The following SLC35E1 variants were observed in gnomAD, a reference collection of about 807,000 sequenced individuals.
SLC35E1 encodes solute carrier family 35 member E1.
SLC35E1 carries 12 observed loss-of-function variants against 31.0 expected under a neutral mutation model. The observed-to-expected ratio is 0.39, with a 90% CI of 0.25 to 0.63. The LOEUF is 0.63. Ranked by LOEUF, SLC35E1 falls within the 20% of genes least tolerant of loss-of-function variation. The pLI is 0.52. For synonymous variants in SLC35E1, 257 were observed against 264.1 expected (o/e 0.97, Z 0.26); for missense variants, 429 against 572.2 (o/e 0.75, Z 2.55).
intron 2 of SLC35E1, among the ~76,000 whole-genome samples, chr19:16,569,500 C>A (rs1160810623): frequency 6.6e-6 from 1 of 152,202 alleles, no homozygotes; most frequent in African/African-American, 2.4e-5. Flanking sequence ...GCATGCAGGG[C>A]TAAACAACTC....
chr19:16,560,717 C>A (rs1213872398), intron 4 of SLC35E1, among the ~76,000 whole-genome samples: 1 of 148,780 alleles, frequency 6.7e-6, no homozygotes, highest in South Asian at 2.1e-4. Context: ...CAAAAATTAG[C>A]CAGGAGTGGT....
chr19:16,553,438 G>C lies in SLC35E1; in HGVS notation c.*241C>G. On this transcript the variant is annotated 3_prime_UTR_variant, in exon 6 of 6. Transcript: ENST00000595753. ...CACGGCCCTCAGATGACAGACTCCA[G>C]GAAGAAAGAGCATGAGACACTGGTC... is the stretch of plus-strand genomic sequence containing the variant. 2.9e-6 allele frequency: 1 copy of C among 349,240 alleles called. No individual in the cohort carries two copies. The highest frequency in any genetic ancestry group is 5.2e-6 in the Non-Finnish European group (1 of 194,154). The allele number at this position is 349,240 out of a possible 1,614,324, so 21.6% of individuals were successfully genotyped here. A position where few individuals can be genotyped will look rare whatever the true frequency, so the allele number is the denominator to read the frequency against.
chr19:16,559,379 G>C (rs1242501095), intron 4 of SLC35E1, among the ~76,000 whole-genome samples: 3 of 151,724 alleles, frequency 2.0e-5, no homozygotes, highest in Non-Finnish European at 4.4e-5. Context: ...CAGCACTTTG[G>C]GAGGCTGAGG....
chr19:16,555,846 A>C lies in SLC35E1; in HGVS notation c.757-449T>G, dbSNP rs1599315872. The C allele has an allele frequency of 1.6e-5, 2 of 126,390 alleles. No individual in the cohort carries two copies. Among genetic ancestry groups the C allele is most frequent in the East Asian group, 3.6e-4 (2 of 5,544 alleles). 7.8% of individuals were successfully genotyped at this position (126,390 alleles called of 1,614,324 possible). A position where few individuals can be genotyped will look rare whatever the true frequency, so the allele number is the denominator to read the frequency against. ...CCACGGGTCTGCACCTATTGCTGCG[A>C]GGATGAACAGAATCATGGCTTTTGA... is the stretch of plus-strand genomic sequence containing the variant. On this transcript the variant is annotated intron_variant, in intron 4 of 5. Transcript: ENST00000595753. The surrounding 1 kb of genome is among the most constrained non-coding windows in gnomAD (Gnocchi z 4.1).
intron 4 of SLC35E1, among the ~76,000 whole-genome samples, chr19:16,556,146 G>C (rs1317567399): frequency 6.6e-6 from 1 of 152,124 alleles, no homozygotes; most frequent in Admixed American, 6.5e-5. Context: ...CTGGGAGGTG[G>C]AGGTTGCAGT....
In SLC35E1 at chr19:16,565,587, G is replaced by A. The variant is rs569835054; in HGVS notation, c.756+945C>T. The A allele has an allele frequency of 3.1e-4, 49 of 156,402 alleles. No individual in the cohort carries two copies. The South Asian group carries it at 4.7e-3, about 15-fold the overall frequency. 9.7% of individuals were successfully genotyped at this position (156,402 alleles called of 1,614,324 possible). On this transcript the variant is annotated intron_variant, in intron 4 of 5. Coordinates refer to ENST00000595753, the MANE Select transcript of SLC35E1 (RefSeq NM_024881.5). ...GGCTGGAGTGCAGTGGCACCATCTC[G>A]GCTCACTGCAACCGCCACATCCTGG... is the stretch of plus-strand genomic sequence containing the variant.
In SLC35E1 at chr19:16,572,294, GC is replaced by G. The variant is rs2085964314; in HGVS notation, c.70del (p.Ala24ArgfsTer17). On this transcript the variant is annotated frameshift_variant, in exon 1 of 6. Transcript: ENST00000595753. LOFTEE classifies it high-confidence loss of function. The surrounding 1 kb of genome is among the most constrained non-coding windows in gnomAD (Gnocchi z 4.1). ...CGCCGCCACCCGCGCGCCCTCGCGC[GC>G]CCCACCACTGCTGCTCGCTGCGCCC... is the stretch of plus-strand genomic sequence containing the variant. ...GPGAASSSGG[A>X]REGARVAALC... 6.8e-7 allele frequency: 1 copy of G among 1,475,718 alleles called. No individual in the cohort carries two copies. The highest frequency in any genetic ancestry group is 1.3e-5 in the South Asian group (1 of 77,808). The allele number at this position is 1,475,718 out of a possible 1,614,324, so 91.4% of individuals were successfully genotyped here.
At chr19:16,563,290 T>C (rs533103985) in intron 4 of SLC35E1, among the ~76,000 whole-genome samples, 10 of 151,858 alleles carry the variant, frequency 6.6e-5, no homozygotes, top group Non-Finnish European at 1.5e-4. Flanking sequence ...TGCCATTGCA[T>C]TCTAGCCTAG....
intron 2 of SLC35E1, among the ~76,000 whole-genome samples, chr19:16,571,095 CAAA>C (rs57729159): frequency 3.0e-5 from 2 of 67,238 alleles, no homozygotes; most frequent in South Asian, 5.0e-4. Flanking sequence ...AACTCCGTCT[CAAA>C]AAAAAAAAAA....
At chr19:16,565,850 T>G (rs1353063234) in intron 4 of SLC35E1, 1 of 122,368 alleles carries the variant, frequency 8.2e-6, no homozygotes, top group African/African-American at 3.3e-5. Flanking sequence ...GGCCAGTGCA[T>G]AGTTTTCAAA....
intron 4 of SLC35E1, among the ~76,000 whole-genome samples, chr19:16,562,108 C>T (rs941284150): frequency 6.6e-6 from 1 of 151,770 alleles, no homozygotes; most frequent in Non-Finnish European, 1.5e-5. Context: ...TAAGGTATTA[C>T]AACAACAAAA....
In SLC35E1 at chr19:16,553,646, A is replaced by C. The variant is rs146606262; in HGVS notation, c.*33T>G. On this transcript the variant is annotated 3_prime_UTR_variant, in exon 6 of 6. Transcript: ENST00000595753. The stretch of plus-strand genomic sequence containing the variant: ...ATACTGCTGTGGGGGCCGGGGAAGG[A>C]GTCACCAACAGTCTGGTCCTGTCCT... 5.9e-4 allele frequency: 842 copies of C among 1,423,142 alleles called. 2 individuals are homozygous for C. In the African/African-American group the frequency reaches 7.9e-3, roughly 13 times the overall value. 88.2% of individuals were successfully genotyped at this position (1,423,142 alleles called of 1,614,324 possible). A position where few individuals can be genotyped will look rare whatever the true frequency, so the allele number is the denominator to read the frequency against.
At chr19:16,566,096 G>A (rs932319074) in intron 4 of SLC35E1, 17 of 153,470 alleles carry the variant, frequency 1.1e-4, no homozygotes, top group Non-Finnish European at 1.7e-4. Context: ...CTTGAGCCCC[G>A]GATTGAGGTC....
At chr19:16,563,248 C>T (rs564140734) in intron 4 of SLC35E1, among the ~76,000 whole-genome samples, 8 of 151,492 alleles carry the variant, frequency 5.3e-5, no homozygotes, top group South Asian at 2.1e-4. Context: ...TGCTTGAATC[C>T]GGGAGGCGGA....
intron 4 of SLC35E1, among the ~76,000 whole-genome samples, chr19:16,559,955 G>A (rs986186340): frequency 1.3e-5 from 2 of 152,172 alleles, no homozygotes; most frequent in Non-Finnish European, 2.9e-5. Flanking sequence ...TTTTGTTTTA[G>A]CAGGCAATTG....
At chr19:16,566,445 G>T in intron 4 of SLC35E1, 87 bp downstream of exon 4, 1 of 1,574,782 alleles carries the variant, frequency 6.4e-7, no homozygotes, top group Non-Finnish European at 8.6e-7. Flanking sequence ...ATACCACAAT[G>T]TTAACATGCA....
At chr19:16,564,696 C>A (rs1451855808) in intron 4 of SLC35E1, among the ~76,000 whole-genome samples, 6 of 152,144 alleles carry the variant, frequency 3.9e-5, no homozygotes, top group African/African-American at 1.2e-4. Flanking sequence ...AAAAAGAGAA[C>A]CCCTTCCCTA....
Position 16,553,767 on chromosome 19 carries a change from T to C in SLC35E1, c.1145A>G (p.Tyr382Cys). 6.2e-7 allele frequency: 1 copy of C among 1,613,480 alleles called. No individual in the cohort carries two copies. The highest frequency in any genetic ancestry group is 8.5e-7 in the Non-Finnish European group (1 of 1,179,652). The change falls in exon 6 of 6, where the codon TAC becomes TGC. Residue 382 changes from tyrosine (Y) to cysteine (C), a missense_variant. By Grantham distance (194) the Tyr-to-Cys change is radical. Transcript: ENST00000595753. ...GTCTGTTAAGATGTTGTTGCGGCCG[T>C]ACTGATAGTCCCCGTGCTGGGGGAA... ...LLFPQHGDYQ[Y>C]GRNNILTDHF...
Position 16,552,462 on chromosome 19 carries a change from G to A in SLC35E1, c.*1217C>T, listed in dbSNP as rs1031591426. 6.6e-6 allele frequency: 1 copy of A among 151,918 alleles called. No homozygotes were observed. The highest frequency in any genetic ancestry group is 2.4e-5 in the African/African-American group (1 of 41,344). The allele number at this position is 151,918 out of a possible 1,614,324, so 9.4% of individuals were successfully genotyped here. Reference sequence around the variant, plus strand: ...CAATTCGCCTGCCTCAGCAGCCTGAGGAGCTGGGACTACAGGCACGCGACA... The same window carrying A: ...CAATTCGCCTGCCTCAGCAGCCTGAAGAGCTGGGACTACAGGCACGCGACA... On this transcript the variant is annotated 3_prime_UTR_variant, in exon 6 of 6. Coordinates refer to ENST00000595753, the MANE Select transcript of SLC35E1 (RefSeq NM_024881.5).
Sources: allele counts gnomAD v4.1 joint callset (sites outside exome capture counted in the v4.1 genomes callset), GRCh38; gene constraint gnomAD v4.1.1; non-coding constraint Gnocchi (gnomAD v3.1); transcripts MANE v1.5; gene names NCBI Gene and HGNC (gene_info 2026-07-23, HGNC 2026-07-21).